SKIC3: variants seen among roughly 807,000 people sequenced by gnomAD.
The protein encoded by SKIC3 is SKI3 subunit of superkiller complex.
the SKIC3 span, chr5:95,529,406 C>T: frequency 9.7e-6 from 4 of 411,666 alleles, no homozygotes; most frequent in Middle Eastern, 1.4e-3. Context: ...TATAAAATTC[C>T]CCTGCTAAAA....
the SKIC3 span, among the ~76,000 whole-genome samples, chr5:95,511,611 A>G: frequency 6.6e-6 from 1 of 152,108 alleles, no homozygotes; most frequent in African/African-American, 2.4e-5. Flanking sequence ...GTTTTTCACA[A>G]TTTATCTGAT....
the SKIC3 span, chr5:95,512,432 C>T: frequency 6.3e-7 from 1 of 1,576,512 alleles, no homozygotes. Flanking sequence ...TAAATTATTT[C>T]AATAGTTGCT....
chr5:95,506,860 T>A, the SKIC3 span: 1 of 1,418,878 alleles, frequency 7.0e-7, no homozygotes, highest in Non-Finnish European at 9.9e-7. Context: ...CTAGTCAGCA[T>A]ATCAGCAGTC....
At chr5:95,531,910 G>A in the SKIC3 span, among the ~76,000 whole-genome samples, 2 of 151,944 alleles carry the variant, frequency 1.3e-5, no homozygotes, top group African/African-American at 2.4e-5. Flanking sequence ...ATCTTGTGAC[G>A]ATCCTTTAAA....
At chr5:95,523,968 A>T in the SKIC3 span, 1 of 927,106 alleles carries the variant, frequency 1.1e-6, no homozygotes, top group East Asian at 2.7e-5. Flanking sequence ...TATGCCAAAA[A>T]ATCCTTTGAT....
the SKIC3 span, among the ~76,000 whole-genome samples, chr5:95,515,719 T>C: frequency 6.6e-6 from 1 of 152,136 alleles, no homozygotes; most frequent in Non-Finnish European, 1.5e-5. Context: ...ACTTAATGTA[T>C]CCTTGAGAAT....
chr5:95,521,955 T>C, the SKIC3 span: 1 of 1,500,460 alleles, frequency 6.7e-7, no homozygotes, highest in East Asian at 2.3e-5. Flanking sequence ...ACTAAAGAAG[T>C]CCTTTTCAAG....
At chr5:95,536,586 C>A in the SKIC3 span, 2 of 464,636 alleles carry the variant, frequency 4.3e-6, no homozygotes, top group South Asian at 2.9e-5. Context: ...AAAAAGATTT[C>A]ACTGACTAAC....
At chr5:95,478,261 T>C in the SKIC3 span, 1 of 1,611,940 alleles carries the variant, frequency 6.2e-7, no homozygotes, top group African/African-American at 1.3e-5. Context: ...AATCAATTTT[T>C]CATGATCATA....
chr5:95,517,953 A>AT, the SKIC3 span, among the ~76,000 whole-genome samples: 14 of 151,888 alleles, frequency 9.2e-5, 1 homozygote, highest in African/African-American at 2.9e-4. Flanking sequence ...GTTCAGTCCC[A>AT]TTTTTTTTCT....
the SKIC3 span, chr5:95,516,691 A>G: frequency 6.2e-7 from 1 of 1,613,404 alleles, no homozygotes; most frequent in Non-Finnish European, 8.5e-7. Context: ...ATGCAACCAC[A>G]CCAAGAGCAT....
At chr5:95,508,763 T>C in the SKIC3 span, among the ~76,000 whole-genome samples, 2 of 152,238 alleles carry the variant, frequency 1.3e-5, no homozygotes, top group Admixed American at 1.3e-4. Flanking sequence ...TTTGTCTTTT[T>C]TAATTTACTG....
At chr5:95,521,517 A>T in the SKIC3 span, 1 of 152,234 alleles carries the variant, frequency 6.6e-6, no homozygotes, top group Admixed American at 6.6e-5. Context: ...AAAAGGAGAA[A>T]GAAGGAAATG....
the SKIC3 span, chr5:95,484,583 G>T: frequency 8.3e-7 from 1 of 1,198,756 alleles, no homozygotes; most frequent in Non-Finnish European, 1.2e-6. Context: ...GTGGCCTCAA[G>T]TGATCCTCCC....
the SKIC3 span, chr5:95,529,231 C>A: frequency 6.3e-6 from 5 of 798,830 alleles, no homozygotes; most frequent in Admixed American, 2.0e-5. Context: ...CACAAAGTCA[C>A]ACTGATTCTC....
chr5:95,469,981 CT>C, the SKIC3 span: 99,904 of 1,161,320 alleles, frequency 0.086, no homozygotes, highest in East Asian at 0.1. Context: ...CAATTCAATT[CT>C]TTTTTTTTTT....
At chr5:95,533,168 A>G in the SKIC3 span, among the ~76,000 whole-genome samples, 1 of 152,154 alleles carries the variant, frequency 6.6e-6, no homozygotes, top group Non-Finnish European at 1.5e-5. Context: ...AAAAATTTCA[A>G]CAGATGACAA....
the SKIC3 span, chr5:95,502,996 C>T: frequency 8.1e-6 from 13 of 1,613,988 alleles, no homozygotes; most frequent in Non-Finnish European, 1.1e-5. Context: ...ACAAGGCTCT[C>T]TCATAGGCTG....
the SKIC3 span, among the ~76,000 whole-genome samples, chr5:95,539,620 G>A: frequency 6.6e-5 from 10 of 152,108 alleles, no homozygotes; most frequent in Non-Finnish European, 1.5e-4. Flanking sequence ...GAAGTGGGCG[G>A]GTCACTTGAG....
Sources: allele counts gnomAD v4.1 joint callset (sites outside exome capture counted in the v4.1 genomes callset), GRCh38; gene constraint gnomAD v4.1.1; transcripts MANE v1.5; gene names NCBI Gene and HGNC (gene_info 2026-07-23, HGNC 2026-07-21).